ATP11A: variants seen among roughly 807,000 people sequenced by gnomAD.
ATP11A encodes phospholipid-transporting ATPase IH.
ATP11A carries 81 observed loss-of-function variants against 154.4 expected under a neutral mutation model. That is an observed-to-expected ratio of 0.52 (90% CI 0.44 to 0.63). The LOEUF (loss-of-function observed/expected upper bound fraction) is 0.63. ATP11A is among the 30% of genes least tolerant of loss of function. The pLI, the probability that ATP11A is intolerant of heterozygous loss-of-function variation, is 0.00. For synonymous variants in ATP11A, 623 were observed against 585.9 expected (o/e 1.06, Z -0.91); for missense variants, 1,316 against 1,474.3 (o/e 0.89, Z 1.76).
chr13:112,839,221 C>T (rs544706286), intron 16 of ATP11A, among the ~76,000 whole-genome samples: 1 of 152,156 alleles, frequency 6.6e-6, no homozygotes, highest in Admixed American at 6.5e-5. Context: ...GCTTACTGCA[C>T]CCAAGGTATT....
chr13:112,856,180 C>CT (rs1385273481), intron 20 of ATP11A, 95 bp downstream of exon 20: 1 of 1,247,148 alleles, frequency 8.0e-7, no homozygotes, highest in Non-Finnish European at 1.1e-6. Flanking sequence ...GTTAAACAAT[C>CT]TAGCAGGGTA....
chr13:112,778,780 G>A (rs112065946), intron 1 of ATP11A, among the ~76,000 whole-genome samples: 5 of 133,486 alleles, frequency 3.7e-5, no homozygotes, highest in South Asian at 5.6e-4. Context: ...GTGAGTAGCC[G>A]CTGGAGTGAG....
intron 1 of ATP11A, among the ~76,000 whole-genome samples, chr13:112,704,049 A>C (rs1886876760): frequency 6.6e-6 from 1 of 152,166 alleles, no homozygotes; most frequent in African/African-American, 2.4e-5. Flanking sequence ...TGGAAGTTGC[A>C]CTTGAAATGC....
rs140436136 is a variant in ATP11A, at chr13:112,805,397, C to G, written c.252+351C>G. Among the ~76,000 whole-genome samples, 1,087 of 152,182 alleles carry G rather than the reference C, an allele frequency of 7.1e-3. 18 individuals carry two copies. Among genetic ancestry groups the G allele is most frequent in the African/African-American group, 0.024 (1,007 of 41,502 alleles). On this transcript the variant is annotated intron_variant, in intron 3 of 29. Coordinates refer to ENST00000375645, the MANE Select transcript of ATP11A (RefSeq NM_015205.3). ...CTCTTCCTAAGTGTGTGTGGATGCT[C>G]TAAAGAAAATCCAGGCCGGGCACAG...
intron 14 of ATP11A, 58 bp downstream of exon 14, chr13:112,833,081 G>A: frequency 6.4e-7 from 1 of 1,566,610 alleles, no homozygotes; most frequent in Non-Finnish European, 8.7e-7. Flanking sequence ...CCCCTCCCCA[G>A]CCCCAGTCAG....
chr13:112,782,150 T>C lies in ATP11A; in HGVS notation c.40-2985T>C, dbSNP rs1594670511. ...TGTTTTTGATGTAATTATTTAATGA[T>C]AAACGTCTGCTCGCCGGTGTTGAGA... On this transcript the variant is annotated intron_variant, in intron 1 of 29. Coordinates refer to ENST00000375645, the MANE Select transcript of ATP11A (RefSeq NM_015205.3). Among the ~76,000 whole-genome samples, 4 of 152,384 alleles carry C rather than the reference T, an allele frequency of 2.6e-5. 1 individual carries two copies. Among genetic ancestry groups the C allele is most frequent in the African/African-American group, 9.6e-5 (4 of 41,592 alleles).
rs1406954609 is a variant in ATP11A, at chr13:112,754,054, G to A, written c.40-31081G>A. Reference sequence around the variant, plus strand: ...GCATCCAGGGCGTCGCTGTCTCACCGTGGTCCCCAGTGTTTTGGGATTGAG... The same window carrying A: ...GCATCCAGGGCGTCGCTGTCTCACCATGGTCCCCAGTGTTTTGGGATTGAG... On this transcript the variant is annotated intron_variant, in intron 1 of 29. Coordinates refer to ENST00000375645, the MANE Select transcript of ATP11A (RefSeq NM_015205.3). This position sits in a 1 kb window ranked among gnomAD's most constrained non-coding sequence, Gnocchi z 5.3. Among the ~76,000 whole-genome samples, 5 of 152,180 alleles carry A rather than the reference G, an allele frequency of 3.3e-5. No individual in the cohort carries two copies. The highest frequency in any genetic ancestry group is 6.5e-5 in the Admixed American group (1 of 15,282).
chr13:112,879,008 T>C (rs1240762267), intron 29 of ATP11A, among the ~76,000 whole-genome samples: 1 of 152,260 alleles, frequency 6.6e-6, no homozygotes, highest in Non-Finnish European at 1.5e-5. Flanking sequence ...TTCTGGGCAA[T>C]GTAGAGGCGT....
intron 5 of ATP11A, among the ~76,000 whole-genome samples, chr13:112,814,720 C>G (rs914229176): frequency 2.0e-5 from 3 of 152,168 alleles, no homozygotes; most frequent in Non-Finnish European, 4.4e-5. Context: ...TCTCCATGCC[C>G]ATGCCCACCA....
At chr13:112,858,600 G>A in intron 22 of ATP11A, 1 of 241,252 alleles carries the variant, frequency 4.1e-6, no homozygotes, top group South Asian at 6.6e-5. Flanking sequence ...ACGCCGTCCT[G>A]CTGTCTCCTT....
At chr13:112,816,708 G>C (rs1195738268) in intron 6 of ATP11A, among the ~76,000 whole-genome samples, 1 of 152,124 alleles carries the variant, frequency 6.6e-6, no homozygotes. Flanking sequence ...ATGCTACCTT[G>C]TGTTTTTTGA....
At chr13:112,854,171 A>T in intron 18 of ATP11A, 108 bp from the exon 19 acceptor site, 1 of 1,435,568 alleles carries the variant, frequency 7.0e-7, no homozygotes, top group South Asian at 1.3e-5. Context: ...TTTGATTTTG[A>T]GGGGCTACGA....
chr13:112,732,660 G>T (rs533600482), intron 1 of ATP11A, among the ~76,000 whole-genome samples: 1 of 152,196 alleles, frequency 6.6e-6, no homozygotes, highest in Non-Finnish European at 1.5e-5. Flanking sequence ...TGCCCAGGCC[G>T]GAGTGGAGTG....
intron 1 of ATP11A, among the ~76,000 whole-genome samples, chr13:112,729,897 G>C (rs1890310890): frequency 6.6e-6 from 1 of 152,226 alleles, no homozygotes; most frequent in African/African-American, 2.4e-5. Flanking sequence ...CTTTTAAATG[G>C]CTCCTGACAA....
Position 112,883,002 on chromosome 13 carries a change from G to A in ATP11A, c.*1136G>A, listed in dbSNP as rs952701850. On this transcript the variant is annotated 3_prime_UTR_variant, in exon 30 of 30. Transcript: ENST00000375645. ...CGCCCGCCGGGCTCTGCGTCCCCAC[G>A]TCCCCTCGTCCCATCCCCACGTCCC... 1.8e-5 allele frequency: 7 copies of A among 398,672 alleles called. No homozygotes were observed. The highest frequency in any genetic ancestry group is 3.6e-5 in the East Asian group (1 of 27,990). The allele number at this position is 398,672 out of a possible 1,614,324, so 24.7% of individuals were successfully genotyped here.
intron 1 of ATP11A, among the ~76,000 whole-genome samples, chr13:112,706,551 C>A (rs7983096): frequency 0.05 from 7,565 of 152,224 alleles, 673 homozygotes; most frequent in African/African-American, 0.17. Flanking sequence ...TGCTCTCTTT[C>A]CAGTTGGTCT....
intron 1 of ATP11A, among the ~76,000 whole-genome samples, chr13:112,709,202 G>A (rs566255540): frequency 6.6e-6 from 1 of 152,286 alleles, no homozygotes; most frequent in East Asian, 1.9e-4. Flanking sequence ...GGGGTCTGGG[G>A]AGTCATGCCC....
chr13:112,819,272 G>A, intron 6 of ATP11A, 32 bp from the exon 7 acceptor site: 1 of 1,591,536 alleles, frequency 6.3e-7, no homozygotes, highest in Non-Finnish European at 8.6e-7. Context: ...GACCGTTTTG[G>A]CGGTGAGCTC....
In ATP11A at chr13:112,726,420, G is replaced by T. The variant is rs1027595120; in HGVS notation, c.39+35965G>T. Among the ~76,000 whole-genome samples the T allele has an allele frequency of 3.3e-5, 5 of 152,350 alleles. No homozygotes were observed. The East Asian group carries it at 9.7e-4, about 29-fold the overall frequency. ...AGAGGGGCCATGGGGCACCATCTGTGTGCAGGGAGAATGGCCGGGGGCAGT... is the reference window on the plus strand; with the variant it reads ...AGAGGGGCCATGGGGCACCATCTGTTTGCAGGGAGAATGGCCGGGGGCAGT... On this transcript the variant is annotated intron_variant, in intron 1 of 29. Transcript: ENST00000375645.
Sources: allele counts gnomAD v4.1 joint callset (sites outside exome capture counted in the v4.1 genomes callset), GRCh38; gene constraint gnomAD v4.1.1; non-coding constraint Gnocchi (gnomAD v3.1); transcripts MANE v1.5; gene names NCBI Gene and HGNC (gene_info 2026-07-23, HGNC 2026-07-21).